SLC24A3: variants seen among roughly 807,000 people sequenced by gnomAD.
The protein encoded by SLC24A3 is sodium/potassium/calcium exchanger 3.
Under a neutral mutation model 75.8 loss-of-function variants are expected in SLC24A3, and 28 were observed. The ratio of observed to expected loss-of-function variants is 0.37; its 90% CI spans 0.27 to 0.51. The LOEUF (loss-of-function observed/expected upper bound fraction) is 0.51, where lower values mean the gene tolerates loss of function less well. Among genes scored for constraint, SLC24A3 ranks in the 20% least tolerant of loss-of-function variants. The probability of loss-of-function intolerance (pLI) is 0.94; values close to 1 mark genes in which losing one functional copy is unlikely to be tolerated. For synonymous variants in SLC24A3, 372 were observed against 334.1 expected (o/e 1.11, Z -1.24); for missense variants, 663 against 847.8 (o/e 0.78, Z 2.71).
At chr20:19,606,288 T>C (rs1345215022) in intron 6 of SLC24A3, among the ~76,000 whole-genome samples, 1 of 152,182 alleles carries the variant, frequency 6.6e-6, no homozygotes, top group African/African-American at 2.4e-5. Context: ...AGGCTTCCAA[T>C]ATGGGGAAGG....
chr20:19,217,823 G>A (rs3827975), intron 1 of SLC24A3, among the ~76,000 whole-genome samples: 62,323 of 152,030 alleles, frequency 0.41, 14,433 homozygotes, highest in East Asian at 0.77. Flanking sequence ...TGTCTGGACT[G>A]CTTTGTCCAC....
At chr20:19,460,480 G>A (rs1987651574) in intron 2 of SLC24A3, among the ~76,000 whole-genome samples, 1 of 152,072 alleles carries the variant, frequency 6.6e-6, no homozygotes, top group South Asian at 2.1e-4. Flanking sequence ...CCCAGATAGT[G>A]CAATGTTTTA....
chr20:19,329,875 G>C (rs147671787), intron 2 of SLC24A3, among the ~76,000 whole-genome samples: 1 of 152,278 alleles, frequency 6.6e-6, no homozygotes, highest in Non-Finnish European at 1.5e-5. Flanking sequence ...TCAAGGCTTT[G>C]ACCTTGGCAG....
At chr20:19,390,742 A>G (rs2122388334) in intron 2 of SLC24A3, among the ~76,000 whole-genome samples, 1 of 152,202 alleles carries the variant, frequency 6.6e-6, no homozygotes, top group Admixed American at 6.5e-5. Context: ...GGGAATTTCC[A>G]GCATAGGCCT....
At chr20:19,517,948 C>CT (rs1568641887) in intron 3 of SLC24A3, among the ~76,000 whole-genome samples, 1 of 152,180 alleles carries the variant, frequency 6.6e-6, no homozygotes, top group African/African-American at 2.4e-5. Flanking sequence ...ATCCTACCCA[C>CT]TAGAATATAA....
rs1222006854 is a variant in SLC24A3 at position 19,343,083 on chromosome 20, AAG to A, written c.271+61998_271+61999del. On this transcript the variant is annotated intron_variant, in intron 2 of 16. Coordinates refer to ENST00000328041, the MANE Select transcript of SLC24A3 (RefSeq NM_020689.4). ...AGACTCCATCTCAAAAAAAAAAAAAAAGAAAAAAGAAAAAGAAAAAGAAAAGG... is the reference window on the plus strand; with the variant it reads ...AGACTCCATCTCAAAAAAAAAAAAAAAAAAAAGAAAAAGAAAAAGAAAAGG... 2.0e-3 allele frequency among the ~76,000 whole-genome samples: 300 copies of A among 146,974 alleles called. 11 individuals carry two copies. Among genetic ancestry groups the A allele is most frequent in the African/African-American group, 7.4e-3 (279 of 37,664 alleles).
At chr20:19,646,388 A>G (rs1338811668) in intron 6 of SLC24A3, among the ~76,000 whole-genome samples, 2 of 152,204 alleles carry the variant, frequency 1.3e-5, no homozygotes. Flanking sequence ...TATTTGTATT[A>G]AAAAATGACT....
chr20:19,304,327 C>A (rs1291862289), intron 2 of SLC24A3, among the ~76,000 whole-genome samples: 2 of 152,134 alleles, frequency 1.3e-5, no homozygotes, highest in African/African-American at 2.4e-5. Context: ...GGCTCAGGGG[C>A]AATTTGCGTA....
At chr20:19,657,881 C>A (rs1300771991) in intron 7 of SLC24A3, among the ~76,000 whole-genome samples, 1 of 152,188 alleles carries the variant, frequency 6.6e-6, no homozygotes, top group Non-Finnish European at 1.5e-5. Context: ...CTAAGTTTCT[C>A]TATAGGACTC....
At chr20:19,226,426 C>T (rs1271735767) in intron 1 of SLC24A3, among the ~76,000 whole-genome samples, 1 of 152,126 alleles carries the variant, frequency 6.6e-6, no homozygotes, top group Non-Finnish European at 1.5e-5. Flanking sequence ...GTAATACTGG[C>T]ACCATAAAAT....
intron 1 of SLC24A3, among the ~76,000 whole-genome samples, chr20:19,247,584 A>G (rs1279250940): frequency 6.6e-6 from 1 of 152,156 alleles, no homozygotes; most frequent in Non-Finnish European, 1.5e-5. Context: ...GTAGCCAACA[A>G]TCCCGCGTAG....
At chr20:19,346,486 G>T (rs1985433035) in intron 2 of SLC24A3, among the ~76,000 whole-genome samples, 1 of 150,708 alleles carries the variant, frequency 6.6e-6, no homozygotes, top group Non-Finnish European at 1.5e-5. Flanking sequence ...CCATAAAAAG[G>T]AATGAAATAA....
chr20:19,236,530 T>C (rs1600386959), intron 1 of SLC24A3, among the ~76,000 whole-genome samples: 1 of 151,816 alleles, frequency 6.6e-6, no homozygotes, highest in African/African-American at 2.4e-5. Context: ...GGTGGGAGGA[T>C]TGCTTGAGGC....
chr20:19,409,833 A>ATG (rs10638924), intron 2 of SLC24A3, among the ~76,000 whole-genome samples: 1,879 of 145,332 alleles, frequency 0.013, 31 homozygotes, highest in African/African-American at 0.042. Context: ...TATATATAAT[A>ATG]TGTGTGTGTG....
At chr20:19,351,790 G>A (rs1481045197) in intron 2 of SLC24A3, among the ~76,000 whole-genome samples, 1 of 152,164 alleles carries the variant, frequency 6.6e-6, no homozygotes, top group Non-Finnish European at 1.5e-5. Flanking sequence ...GACTCCATGG[G>A]TTTGATCAAA....
chr20:19,505,914 C>T (rs984684021), intron 2 of SLC24A3, among the ~76,000 whole-genome samples: 6 of 152,178 alleles, frequency 3.9e-5, no homozygotes. Flanking sequence ...GGGAAACTCC[C>T]CTATCCATAT....
intron 12 of SLC24A3, among the ~76,000 whole-genome samples, chr20:19,689,035 A>G (rs1442669077): frequency 6.6e-6 from 1 of 152,170 alleles, no homozygotes; most frequent in East Asian, 1.9e-4. Context: ...ACGTGCAGCT[A>G]TTGTTATCTC....
chr20:19,516,033 GGC>G (rs1412864237), intron 3 of SLC24A3, among the ~76,000 whole-genome samples: 1 of 152,152 alleles, frequency 6.6e-6, no homozygotes, highest in Non-Finnish European at 1.5e-5. Flanking sequence ...TTTTGTACAC[GGC>G]TTCATTCCCA....
intron 3 of SLC24A3, among the ~76,000 whole-genome samples, chr20:19,571,036 G>A (rs2031043510): frequency 6.6e-6 from 1 of 152,012 alleles, no homozygotes; most frequent in African/African-American, 2.4e-5. Flanking sequence ...TCCTCTTCCT[G>A]GAATGCTGTG....
Sources: gnomAD v4.1 joint callset for allele counts (sites outside exome capture counted in the v4.1 genomes callset) on GRCh38, gnomAD v4.1.1 for gene constraint, MANE v1.5 for transcripts, NCBI Gene and HGNC (gene_info 2026-07-23, HGNC 2026-07-21) for gene names.